The following TANC2 variants were observed in gnomAD, a reference collection of about 807,000 sequenced individuals.
TANC2 encodes tetratricopeptide repeat, ankyrin repeat and coiled-coil containing 2.
Under a neutral mutation model 210.5 loss-of-function variants are expected in TANC2, and 26 were observed. The ratio of observed to expected loss-of-function variants is 0.12; its 90% CI spans 0.09 to 0.17. The LOEUF (loss-of-function observed/expected upper bound fraction) is 0.17. TANC2 is among the 10% of genes least tolerant of loss of function. The pLI is 1.00. For synonymous variants in TANC2, 931 were observed against 967.1 expected (o/e 0.96, Z 0.69); for missense variants, 2,129 against 2,608.9 (o/e 0.82, Z 4.01).
At chr17:63,338,188 C>T (rs914047733) in intron 11 of TANC2, among the ~76,000 whole-genome samples, 2 of 152,116 alleles carry the variant, frequency 1.3e-5, no homozygotes, top group African/African-American at 2.4e-5. Flanking sequence ...TTTGAGGAAT[C>T]GCTACACTTT....
intron 3 of TANC2, among the ~76,000 whole-genome samples, chr17:63,076,732 A>C (rs1265574273): frequency 2.6e-5 from 4 of 152,174 alleles, no homozygotes; most frequent in African/African-American, 9.6e-5. Flanking sequence ...AGAAAGAAGT[A>C]CATAAAAGAG....
At chr17:63,101,044 G>C (rs997589019) in intron 4 of TANC2, among the ~76,000 whole-genome samples, 1 of 152,154 alleles carries the variant, frequency 6.6e-6, no homozygotes, top group East Asian at 1.9e-4. Flanking sequence ...TACTGAAAGA[G>C]TATGTCAGGA....
At chr17:63,386,767 T>A (rs2047792261) in intron 15 of TANC2, among the ~76,000 whole-genome samples, 1 of 152,220 alleles carries the variant, frequency 6.6e-6, no homozygotes, top group Admixed American at 6.5e-5. Flanking sequence ...TTATTTTATT[T>A]GATTTTTATA....
chr17:63,371,590 G>T (rs915985566), intron 14 of TANC2, among the ~76,000 whole-genome samples: 4 of 152,204 alleles, frequency 2.6e-5, no homozygotes, highest in Non-Finnish European at 4.4e-5. Context: ...GACTAGAACA[G>T]TGAGAAACTG....
chr17:63,107,665 C>T (rs946316504), intron 4 of TANC2, among the ~76,000 whole-genome samples: 3 of 151,626 alleles, frequency 2.0e-5, no homozygotes, highest in South Asian at 2.1e-4. Context: ...TTTCATGATC[C>T]ATGGTGAACC....
intron 2 of TANC2, among the ~76,000 whole-genome samples, chr17:63,020,677 C>A (rs190873096): frequency 6.6e-6 from 1 of 152,264 alleles, no homozygotes; most frequent in Admixed American, 6.5e-5. Flanking sequence ...TCTGTAAATA[C>A]AAGGTGTTGT....
intron 14 of TANC2, among the ~76,000 whole-genome samples, chr17:63,372,703 G>C (rs2047306375): frequency 6.6e-6 from 1 of 152,090 alleles, no homozygotes; most frequent in African/African-American, 2.4e-5. Flanking sequence ...TTAAAAGTAG[G>C]TCTGTTTGAC....
At chr17:63,047,344 C>T (rs968395128) in intron 2 of TANC2, among the ~76,000 whole-genome samples, 2 of 152,086 alleles carry the variant, frequency 1.3e-5, no homozygotes, top group Admixed American at 1.3e-4. Context: ...AGTGAGGTAA[C>T]TGTTAGATTT....
At chr17:63,084,687 A>G (rs1046519397) in intron 3 of TANC2, among the ~76,000 whole-genome samples, 2 of 152,014 alleles carry the variant, frequency 1.3e-5, no homozygotes, top group Non-Finnish European at 2.9e-5. Context: ...TTGTATTTTT[A>G]TTTAGTTCAA....
intron 1 of TANC2, among the ~76,000 whole-genome samples, chr17:62,996,989 A>ATTTTTTTT (rs1568304676): frequency 7.4e-6 from 1 of 134,958 alleles, no homozygotes; most frequent in African/African-American, 2.9e-5. Flanking sequence ...AATTTTTTGT[A>ATTTTTTTT]TTTTTAGTAT....
chr17:63,317,923 CAGCAGAAATAA>C (rs1386282940), intron 10 of TANC2, among the ~76,000 whole-genome samples: 2 of 152,170 alleles, frequency 1.3e-5, no homozygotes, highest in Non-Finnish European at 2.9e-5. Context: ...AGGAAGTGAA[CAGCAGAAATAA>C]TGCAGAAATA....
chr17:63,150,400 T>C (rs975279366), intron 4 of TANC2: 12 of 152,214 alleles, frequency 7.9e-5, no homozygotes, highest in African/African-American at 2.9e-4. Context: ...TATTCGAATG[T>C]GTATCAATAG....
chr17:63,315,192 AG>A (rs992238557), intron 10 of TANC2, among the ~76,000 whole-genome samples: 1 of 152,222 alleles, frequency 6.6e-6, no homozygotes, highest in African/African-American at 2.4e-5. Flanking sequence ...CATCACAACC[AG>A]GGGGCAGCCC....
chr17:63,384,989 A>G (rs2047732082), intron 15 of TANC2, among the ~76,000 whole-genome samples: 1 of 152,164 alleles, frequency 6.6e-6, no homozygotes, highest in African/African-American at 2.4e-5. Context: ...AGGAACATGA[A>G]CTTTAGAGTA....
intron 21 of TANC2, among the ~76,000 whole-genome samples, chr17:63,408,967 AATGTAT>A (rs2147314114): frequency 6.6e-6 from 1 of 152,180 alleles, no homozygotes; most frequent in Non-Finnish European, 1.5e-5. Flanking sequence ...TTAAGAACCA[AATGTAT>A]ATTGGATTTT....
intron 6 of TANC2, among the ~76,000 whole-genome samples, chr17:63,194,956 G>C (rs1283686521): frequency 2.6e-5 from 4 of 152,096 alleles, no homozygotes; most frequent in Middle Eastern, 6.3e-3. Flanking sequence ...ATGTCTGATA[G>C]TGAAGCATTT....
At chr17:63,292,304 A>G (rs1194388377) in intron 9 of TANC2, among the ~76,000 whole-genome samples, 1 of 152,228 alleles carries the variant, frequency 6.6e-6, no homozygotes, top group African/African-American at 2.4e-5. Context: ...TTAAAGATAT[A>G]TCAGGAGGAG....
Position 63,420,052 on chromosome 17 carries a change from A to G in TANC2, c.4322A>G (p.Asn1441Ser). Reference sequence around the variant, plus strand: ...AACGAGGCCATCAAGCTGTGTCCCAACAACCGTGAGATCCAGAGACTTCTG... The same window carrying G: ...AACGAGGCCATCAAGCTGTGTCCCAGCAACCGTGAGATCCAGAGACTTCTG... The change falls in exon 28 of 28, where the codon AAC (asparagine) becomes AGC (serine). Residue 1441 changes from asparagine (N) to serine (S), a missense_variant. Physicochemically the swap from Asn to Ser is conservative, Grantham distance 46 (BLOSUM62 1). Coordinates refer to ENST00000689528, the Ensembl canonical transcript of TANC2. This position sits in a 1 kb window ranked among gnomAD's most constrained non-coding sequence, Gnocchi z 4.2. The G allele has an allele frequency of 6.4e-7, 1 of 1,552,174 alleles. No homozygotes were observed. The highest frequency in any genetic ancestry group is 8.7e-7 in the Non-Finnish European group (1 of 1,147,072).
At position 63,421,805 on chromosome 17, in the gene TANC2, C is replaced by G. The variant is rs530583936; in HGVS notation, c.6075C>G (p.Ala2025=). 3 of 1,614,056 alleles carry G rather than the reference C, an allele frequency of 1.9e-6. No individual in the cohort carries two copies. In the East Asian group the frequency reaches 6.7e-5, roughly 36 times the overall value. Residue 2025 remains alanine, a synonymous_variant, in exon 28 of 28, where the codon GCC becomes GCG. Coordinates refer to ENST00000689528, the Ensembl canonical transcript of TANC2. This position sits in a 1 kb window ranked among gnomAD's most constrained non-coding sequence, Gnocchi z 6.9. Reference sequence around the variant, plus strand: ...ACCTCTTGGAGCGAGTCAGCCAGGCCTCCTCCTATCCCGACGTGAAGGTAG... The same window carrying G: ...ACCTCTTGGAGCGAGTCAGCCAGGCGTCCTCCTATCCCGACGTGAAGGTAG...
Sources: gnomAD v4.1 joint callset for allele counts (sites outside exome capture counted in the v4.1 genomes callset) on GRCh38, gnomAD v4.1.1 for gene constraint, Gnocchi (gnomAD v3.1) non-coding constraint, MANE v1.5 for transcripts, NCBI Gene and HGNC (gene_info 2026-07-23, HGNC 2026-07-21) for gene names.